Variants in WNK1 observed in about 807,000 individuals in gnomAD.
WNK1 encodes the protein serine/threonine-protein kinase WNK1.
In WNK1, 38 loss-of-function variants were observed where a neutral mutation model predicts 222.8. That is an observed-to-expected ratio of 0.17 (90% confidence interval 0.13 to 0.22). WNK1 has a LOEUF of 0.22. WNK1 is among the 10% of genes least tolerant of loss of function. WNK1 has a pLI of 1.00. For missense variants in WNK1, 2,348 were observed against 2,918.4 expected (o/e 0.80, Z 4.50); for synonymous variants, 1,090 against 1,092.9 (o/e 1.00, Z 0.05).
chr12:871,021 G>T (rs141911629), intron 8 of WNK1, among the ~76,000 whole-genome samples: 1 of 152,324 alleles, frequency 6.6e-6, no homozygotes, highest in African/African-American at 2.4e-5. Context: ...AGCATTGACA[G>T]CTTAGGTTTT....
chr12:836,980 C>A (rs1949237344), intron 4 of WNK1, among the ~76,000 whole-genome samples: 1 of 151,936 alleles, frequency 6.6e-6, no homozygotes, highest in South Asian at 2.1e-4. Context: ...TATATACCTA[C>A]CCATCTAAAG....
chr12:884,969 A>G lies in WNK1; in HGVS notation c.4165A>G (p.Ser1389Gly). ...TEEGIAGVAT[S>G]TGVVTSGGLP... ...AGAGGGGATTGCTGGAGTTGCCACC[A>G]GCACAGGTGTGGTAACTTCAGGTGG... The change falls in exon 19 of 28, where the codon AGC becomes GGC. Residue 1389 changes from serine (S) to glycine (G), a missense_variant. Physicochemically the swap from Ser to Gly is moderately conservative, Grantham distance 56 (BLOSUM62 0). This residue lies in a region of WNK1 where 1,144 missense variants were observed against 1,273.6 expected (regional missense o/e 0.90). Coordinates refer to ENST00000315939, the MANE Select transcript of WNK1 (RefSeq NM_018979.4). This position sits in a 1 kb window ranked among gnomAD's most constrained non-coding sequence, Gnocchi z 5.6. 5 of 1,614,210 alleles carry G rather than the reference A, an allele frequency of 3.1e-6. No homozygotes were observed. Among genetic ancestry groups the G allele is most frequent in the East Asian group, 4.5e-5 (2 of 44,886 alleles).
rs112657336 is a variant in WNK1, at chr12:895,505, C to T, written c.5584-566C>T. Reference sequence around the variant, plus strand: ...ACGGAGTCTCACTCTGTCACCCAGGCTGGAATGCAGTGGCATGATCTCAGC... The same window carrying T: ...ACGGAGTCTCACTCTGTCACCCAGGTTGGAATGCAGTGGCATGATCTCAGC... On this transcript the variant is annotated intron_variant, in intron 23 of 27. Coordinates refer to ENST00000315939, the MANE Select transcript of WNK1 (RefSeq NM_018979.4). 7.1e-3 allele frequency among the ~76,000 whole-genome samples: 1,087 copies of T among 152,234 alleles called. 15 individuals are homozygous for T. Among genetic ancestry groups the T allele is most frequent in the African/African-American group, 0.025 (1,027 of 41,528 alleles).
chr12:868,124 G>A, intron 8 of WNK1: 4 of 1,614,050 alleles, frequency 2.5e-6, no homozygotes, highest in Non-Finnish European at 3.4e-6. Flanking sequence ...AGAGGCCGTA[G>A]TTATGTTGGG....
chr12:863,095 A>G (rs896785144), intron 8 of WNK1, among the ~76,000 whole-genome samples: 6 of 151,506 alleles, frequency 4.0e-5, no homozygotes, highest in African/African-American at 1.5e-4. Context: ...GGTATTAGAA[A>G]ATAAGTAACT....
Position 885,939 on chromosome 12 carries a change from C to T in WNK1, c.5135C>T (p.Pro1712Leu), listed in dbSNP as rs1004842904. ...ACTTCTACCACAAGTACTTGCTTAC[C>T]ACCAACCAATTTACCACTAGGAACA... ...LLTSTTSTCL[P>L]PTNLPLGTVA... The change falls in exon 19 of 28, where the codon CCA (proline) becomes CTA (leucine). Residue 1712 changes from proline (P) to leucine (L), a missense_variant. By Grantham distance (98) the Pro-to-Leu change is moderately conservative (BLOSUM62 -3). Around this residue, in one of 13 missense-constraint regions of WNK1, gnomAD observed 1,144 missense variants for 1,273.6 expected, o/e 0.90. Transcript: ENST00000315939. 1 of 1,598,422 alleles carries T rather than the reference C, an allele frequency of 6.3e-7. No homozygotes were observed. The highest frequency in any genetic ancestry group is 1.3e-5 in the African/African-American group (1 of 74,294).
chr12:761,907 A>G (rs1428347387), intron 1 of WNK1, among the ~76,000 whole-genome samples: 2 of 146,908 alleles, frequency 1.4e-5, no homozygotes, highest in Admixed American at 6.8e-5. Context: ...CCTCTCACAC[A>G]CAGTCATCCG....
chr12:888,571 A>G (rs987089650), intron 20 of WNK1, among the ~76,000 whole-genome samples: 1 of 152,216 alleles, frequency 6.6e-6, no homozygotes, highest in African/African-American at 2.4e-5. Flanking sequence ...GGTAGAAGGA[A>G]GCTGTGTGCT....
rs777712294 is a variant in WNK1 at position 857,169 on chromosome 12, G to A, written c.1320G>A (p.Lys440=). The A allele has an allele frequency of 6.8e-6, 11 of 1,614,062 alleles. No homozygotes were observed. The East Asian group carries it at 1.8e-4, about 26-fold the overall frequency. The part of the protein sequence containing the change: ...QIYRRVTSGV[K]PASFDKVAIP... The stretch of plus-strand genomic sequence containing the variant: ...CTGTTTATGGTTTTCAGGGGGTGAA[G>A]CCAGCCAGTTTTGACAAAGTAGCAA... The change falls in exon 5 of 28, where the codon AAG becomes AAA. Residue 440 remains lysine (K), a synonymous_variant. Transcript: ENST00000315939.
intron 1 of WNK1, among the ~76,000 whole-genome samples, chr12:760,887 C>T (rs1294161803): frequency 6.8e-6 from 1 of 146,392 alleles, no homozygotes; most frequent in Non-Finnish European, 1.5e-5. Flanking sequence ...GATTCTCCTG[C>T]CTCAGCCTCC....
intron 1 of WNK1, among the ~76,000 whole-genome samples, chr12:807,634 CTG>C (rs1389791223): frequency 1.3e-5 from 2 of 150,824 alleles, no homozygotes; most frequent in African/African-American, 4.9e-5. Flanking sequence ...ACTTTGGGAA[CTG>C]TTTCTTCCCC....
chr12:817,106 C>T (rs935518180), intron 2 of WNK1, among the ~76,000 whole-genome samples: 29 of 151,970 alleles, frequency 1.9e-4, no homozygotes, highest in Non-Finnish European at 3.8e-4. Flanking sequence ...ATATTAACTA[C>T]GAAGAAATGA....
intron 1 of WNK1, among the ~76,000 whole-genome samples, chr12:788,916 ACAT>A (rs1944583347): frequency 6.6e-6 from 1 of 152,006 alleles, no homozygotes; most frequent in African/African-American, 2.4e-5. Context: ...AAGTGAGCAA[ACAT>A]CTGTTTGGTG....
At chr12:761,202 C>T (rs1199508010) in intron 1 of WNK1, among the ~76,000 whole-genome samples, 1 of 147,868 alleles carries the variant, frequency 6.8e-6, no homozygotes, top group Non-Finnish European at 1.5e-5. Context: ...CCTTCACTTA[C>T]ATTAATTTAG....
At chr12:849,822 G>GT (rs1228651939) in intron 4 of WNK1, among the ~76,000 whole-genome samples, 3 of 151,944 alleles carry the variant, frequency 2.0e-5, no homozygotes, top group African/African-American at 2.4e-5. Flanking sequence ...GTGGTGTTTG[G>GT]TTTTTTGTCC....
chr12:813,567 A>T, intron 1 of WNK1, 75 bp from the exon 2 acceptor site: 2 of 1,466,998 alleles, frequency 1.4e-6, no homozygotes, highest in Non-Finnish European at 1.9e-6. Flanking sequence ...AGTAATGTTT[A>T]AGTGTCTAAG....
chr12:820,539 A>C (rs1200399092), intron 2 of WNK1, among the ~76,000 whole-genome samples: 1 of 144,560 alleles, frequency 6.9e-6, no homozygotes, highest in Non-Finnish European at 1.5e-5. Flanking sequence ...GCAGTGGTGC[A>C]GTCATAGCTC....
intron 2 of WNK1, among the ~76,000 whole-genome samples, chr12:825,007 G>A (rs529202993): frequency 1.3e-5 from 2 of 152,130 alleles, no homozygotes; most frequent in East Asian, 1.9e-4. Flanking sequence ...TATGCATTTC[G>A]TTAGAGTTCC....
chr12:788,895 A>G (rs543054615), intron 1 of WNK1, among the ~76,000 whole-genome samples: 1 of 151,638 alleles, frequency 6.6e-6, no homozygotes, highest in Non-Finnish European at 1.5e-5. Flanking sequence ...TCGGGGGGGA[A>G]AAAGAAAGGT....
Sources: allele counts gnomAD v4.1 joint callset (sites outside exome capture counted in the v4.1 genomes callset), GRCh38; gene constraint gnomAD v4.1.1; regional missense constraint gnomAD v4.1.1; non-coding constraint Gnocchi (gnomAD v3.1); transcripts MANE v1.5; gene names NCBI Gene and HGNC (gene_info 2026-07-23, HGNC 2026-07-21).